Variants in CACNB4 observed in about 807,000 individuals in gnomAD.
The protein encoded by CACNB4 is voltage-dependent L-type calcium channel subunit beta-4.
In CACNB4, 32 loss-of-function variants were observed where a neutral mutation model predicts 71.2. The ratio of observed to expected loss-of-function variants is 0.45; its 90% CI spans 0.34 to 0.60. The LOEUF (loss-of-function observed/expected upper bound fraction) is 0.60, where lower values mean the gene tolerates loss of function less well. Ranked by LOEUF, CACNB4 falls within the 20% of genes least tolerant of loss-of-function variation. The pLI, the probability that CACNB4 is intolerant of heterozygous loss-of-function variation, is 0.01. For synonymous variants in CACNB4, 231 were observed against 236.9 expected (o/e 0.97, Z 0.23); for missense variants, 464 against 647.9 (o/e 0.72, Z 3.08).
chr2:151,957,412 C>T (rs928294499), intron 2 of CACNB4, among the ~76,000 whole-genome samples: 1 of 151,924 alleles, frequency 6.6e-6, no homozygotes, highest in Non-Finnish European at 1.5e-5. Context: ...TTCATTCCAA[C>T]AACCATTTAT....
At chr2:151,982,506 C>T (rs951901311) in intron 2 of CACNB4, among the ~76,000 whole-genome samples, 17 of 151,922 alleles carry the variant, frequency 1.1e-4, no homozygotes, top group Non-Finnish European at 2.2e-4. Context: ...TGGTGGCTGG[C>T]GCCTGTAGTC....
intron 2 of CACNB4, among the ~76,000 whole-genome samples, chr2:151,916,437 T>G (rs1025600204): frequency 6.6e-6 from 1 of 151,864 alleles, no homozygotes; most frequent in Non-Finnish European, 1.5e-5. Flanking sequence ...ATGAAAGTGC[T>G]TGAGGCATAA....
chr2:151,885,880 C>G (rs942595097), intron 2 of CACNB4, among the ~76,000 whole-genome samples: 2 of 152,116 alleles, frequency 1.3e-5, no homozygotes. Flanking sequence ...TCCTTTAAAG[C>G]AGAGTTCTCT....
intron 10 of CACNB4, chr2:151,857,228 A>G (rs1193697969): frequency 6.6e-6 from 1 of 152,200 alleles, no homozygotes; most frequent in African/African-American, 2.4e-5. Context: ...TATGTTTTGC[A>G]TGATTGCATA....
rs555473907 is a variant in CACNB4, at chr2:151,934,647, G to T, written c.148-51277C>A. On this transcript the variant is annotated intron_variant, in intron 2 of 13. Transcript: ENST00000539935. ...AGATCAAGAGATGGAGACCATCCTT[G>T]CCAACATGGTGAAACCCCGTCTCTA... Among the ~76,000 whole-genome samples the T allele has an allele frequency of 5.9e-5, 9 of 152,242 alleles. No individual in the cohort carries two copies. The South Asian group carries it at 1.9e-3, about 32-fold the overall frequency.
intron 2 of CACNB4, chr2:151,971,462 C>T (rs910694888): frequency 5.7e-6 from 4 of 702,210 alleles, no homozygotes; most frequent in Non-Finnish European, 1.0e-5. Flanking sequence ...TGCAGCTAGC[C>T]ATCTGAGAAA....
At chr2:152,066,000 T>C (rs1686297127) in intron 2 of CACNB4, among the ~76,000 whole-genome samples, 1 of 152,190 alleles carries the variant, frequency 6.6e-6, no homozygotes, top group South Asian at 2.1e-4. Context: ...AGAAGAAAAG[T>C]GGATACATTT....
chr2:151,915,357 T>C (rs2099857188), intron 2 of CACNB4, among the ~76,000 whole-genome samples: 1 of 152,088 alleles, frequency 6.6e-6, no homozygotes, highest in Non-Finnish European at 1.5e-5. Context: ...CCTGGACGTA[T>C]AGAAATGGGT....
chr2:152,012,702 G>A (rs1473627404), intron 2 of CACNB4, among the ~76,000 whole-genome samples: 4 of 152,080 alleles, frequency 2.6e-5, no homozygotes, highest in African/African-American at 9.7e-5. Flanking sequence ...TGTGTTTTAA[G>A]CTAAGTGTTA....
chr2:151,868,458 G>A (rs920490630), intron 9 of CACNB4: 2 of 152,000 alleles, frequency 1.3e-5, no homozygotes, highest in Non-Finnish European at 2.9e-5. Flanking sequence ...TTAGAATTGA[G>A]TCAATACAGG....
intron 6 of CACNB4, chr2:151,871,988 G>A (rs2099844760): frequency 5.0e-6 from 1 of 201,252 alleles, no homozygotes; most frequent in African/African-American, 2.4e-5. Context: ...CTTACTCTCT[G>A]CTTCAACCCT....
chr2:152,024,785 G>T (rs1683873169), intron 2 of CACNB4, among the ~76,000 whole-genome samples: 1 of 152,248 alleles, frequency 6.6e-6, no homozygotes, highest in African/African-American at 2.4e-5. Flanking sequence ...GCTAGGCGTG[G>T]TGGCTCACGC....
At chr2:152,071,636 C>T (rs1289130549) in intron 2 of CACNB4, among the ~76,000 whole-genome samples, 1 of 152,132 alleles carries the variant, frequency 6.6e-6, no homozygotes. Flanking sequence ...AAAAACTGCT[C>T]CAGATGTTTA....
chr2:151,999,467 T>A (rs1283906851), intron 2 of CACNB4, among the ~76,000 whole-genome samples: 2 of 151,976 alleles, frequency 1.3e-5, no homozygotes, highest in Non-Finnish European at 2.9e-5. Flanking sequence ...CATTCCAGCA[T>A]CTTGACAAAG....
intron 2 of CACNB4, among the ~76,000 whole-genome samples, chr2:151,928,517 C>A (rs891861969): frequency 6.6e-6 from 1 of 152,186 alleles, no homozygotes; most frequent in Admixed American, 6.5e-5. Flanking sequence ...TTATATCTCA[C>A]CCATTTCTAC....
At chr2:151,994,644 T>C (rs947634559) in intron 2 of CACNB4, among the ~76,000 whole-genome samples, 2 of 152,202 alleles carry the variant, frequency 1.3e-5, no homozygotes, top group African/African-American at 4.8e-5. Context: ...CCCAAGGAGC[T>C]GGGATTAGAG....
chr2:152,098,068 C>CTTA lies in CACNB4; in HGVS notation c.147+259_147+261dup, dbSNP rs1386007360. Among the ~76,000 whole-genome samples, 1 of 152,244 alleles carries CTTA rather than the reference C, an allele frequency of 6.6e-6. No homozygotes were observed. The highest frequency in any genetic ancestry group is 1.5e-5 in the Non-Finnish European group (1 of 68,044). Reference sequence around the variant, plus strand: ...CAGCTCTTAAATTCAACGTCCCTGACTTAAGCCAGGTCCCCACCGAACTGT... The same window carrying CTTA: ...CAGCTCTTAAATTCAACGTCCCTGACTTATTAAGCCAGGTCCCCACCGAACTGT... On this transcript the variant is annotated intron_variant, in intron 2 of 13. Coordinates refer to ENST00000539935, the MANE Select transcript of CACNB4 (RefSeq NM_000726.5). This position sits in a 1 kb window ranked among gnomAD's most constrained non-coding sequence, Gnocchi z 5.3.
intron 2 of CACNB4, among the ~76,000 whole-genome samples, chr2:152,014,119 G>A (rs766024918): frequency 6.6e-5 from 10 of 152,192 alleles, no homozygotes; most frequent in Non-Finnish European, 1.2e-4. Context: ...GAGGCAGGAG[G>A]ATCACTTACT....
chr2:151,971,863 C>T, intron 2 of CACNB4: 1 of 472,082 alleles, frequency 2.1e-6, no homozygotes, highest in South Asian at 2.1e-5. Context: ...AACTCCACTC[C>T]TCATGTTTCC....
Sources: gnomAD v4.1 joint callset for allele counts (sites outside exome capture counted in the v4.1 genomes callset) on GRCh38, gnomAD v4.1.1 for gene constraint, Gnocchi (gnomAD v3.1) non-coding constraint, MANE v1.5 for transcripts, NCBI Gene and HGNC (gene_info 2026-07-23, HGNC 2026-07-21) for gene names.